SCLT1: variants seen among roughly 807,000 people sequenced by gnomAD.
SCLT1 encodes sodium channel-associated protein 1.
SCLT1 carries 78 observed loss-of-function variants against 112.8 expected under a neutral mutation model. That is an observed-to-expected ratio of 0.69 (90% CI 0.58 to 0.83). The LOEUF is 0.83. Among genes scored for constraint, SCLT1 ranks in the 40% least tolerant of loss-of-function variants. SCLT1 has a pLI of 0.00. For missense variants in SCLT1, 747 were observed against 770.4 expected (o/e 0.97, Z 0.36); for synonymous variants, 257 against 254.7 (o/e 1.01, Z -0.09).
chr4:128,916,979 T>A (rs1735528012), intron 18 of SCLT1, among the ~76,000 whole-genome samples: 1 of 152,068 alleles, frequency 6.6e-6, no homozygotes, highest in African/African-American at 2.4e-5. Flanking sequence ...CCGTAATCAC[T>A]CTAGGGCCAG....
chr4:128,881,813 T>G (rs557595626), downstream of SCLT1, among the ~76,000 whole-genome samples: 4 of 152,302 alleles, frequency 2.6e-5, no homozygotes, highest in African/African-American at 9.6e-5. Context: ...AACAAACTTT[T>G]CTGAAAAGAA....
chr4:128,956,987 CTT>C, intron 13 of SCLT1, 37 bp downstream of exon 13: 1 of 1,160,052 alleles, frequency 8.6e-7, no homozygotes, highest in Non-Finnish European at 1.2e-6. Context: ...TTAGTTGTGA[CTT>C]AAATTCTGAA....
intron 14 of SCLT1, among the ~76,000 whole-genome samples, chr4:128,949,426 C>T (rs538462398): frequency 2.6e-5 from 4 of 151,752 alleles, no homozygotes; most frequent in African/African-American, 9.7e-5. Flanking sequence ...ATGTGCACAA[C>T]GTGAAGGTTT....
chr4:128,885,254 G>C (rs928477183), intron 20 of SCLT1, among the ~76,000 whole-genome samples: 8 of 152,076 alleles, frequency 5.3e-5, no homozygotes, highest in African/African-American at 9.7e-5. Context: ...AGTAAAAAAA[G>C]ATCTAACAGT....
chr4:128,957,235 T>C, intron 12 of SCLT1, 111 bp from the exon 13 acceptor site: 1 of 572,686 alleles, frequency 1.7e-6, no homozygotes, highest in East Asian at 3.1e-5. Context: ...CTGGGACATC[T>C]CTACTTGAAT....
intron 9 of SCLT1, among the ~76,000 whole-genome samples, chr4:128,989,944 T>C (rs1297936206): frequency 2.1e-5 from 2 of 94,458 alleles, no homozygotes; most frequent in African/African-American, 5.7e-5. Flanking sequence ...AACAAGGAGA[T>C]AGAAGTGGCA....
chr4:129,042,791 G>T (rs62316963), intron 4 of SCLT1, among the ~76,000 whole-genome samples: 39,476 of 151,988 alleles, frequency 0.26, 6,300 homozygotes, highest in Non-Finnish European at 0.35. Context: ...TAGGACCACA[G>T]GTGCACACCA....
chr4:128,975,380 T>A (rs900269177), intron 9 of SCLT1, among the ~76,000 whole-genome samples: 8 of 152,096 alleles, frequency 5.3e-5, no homozygotes, highest in Admixed American at 5.2e-4. Context: ...CAAAATTTAA[T>A]CAAGTATAAC....
chr4:129,049,713 A>G (rs1445431461), intron 2 of SCLT1, among the ~76,000 whole-genome samples: 1 of 149,696 alleles, frequency 6.7e-6, no homozygotes, highest in Non-Finnish European at 1.5e-5. Context: ...TTTTATTTGC[A>G]GTTGGCAGTT....
intron 4 of SCLT1, chr4:128,875,126 A>AAAACT (rs1478881465): frequency 6.6e-6 from 1 of 152,602 alleles, no homozygotes; most frequent in African/African-American, 2.4e-5. Context: ...AAGTATTTAT[A>AAAACT]AAACTAGTTG....
At chr4:129,075,993 C>T (rs1431859105) in intron 2 of SCLT1, among the ~76,000 whole-genome samples, 2 of 152,228 alleles carry the variant, frequency 1.3e-5, no homozygotes, top group East Asian at 3.9e-4. Flanking sequence ...TCTGTCCCAG[C>T]TGGAATGTTA....
chr4:128,959,698 C>T lies in SCLT1; in HGVS notation c.949G>A (p.Ala317Thr), dbSNP rs369384123. Residue 317 changes from alanine (A) to threonine (T), a missense_variant, in exon 12 of 21, where the codon GCA becomes ACA. Transcript: ENST00000281142. ...HLEKQTRELQ[A>T]KCNELENERY... ...TCATTTTCTAATTCATTGCACTTTG[C>T]TTGTAGCTCTCTGGTCTGTTTTTCC... 1 of 1,613,500 alleles carries T rather than the reference C, an allele frequency of 6.2e-7. No homozygotes were observed. Among genetic ancestry groups the T allele is most frequent in the Non-Finnish European group, 8.5e-7 (1 of 1,179,620 alleles).
At chr4:128,885,179 A>T (rs554267402) in intron 20 of SCLT1, among the ~76,000 whole-genome samples, 1 of 152,332 alleles carries the variant, frequency 6.6e-6, no homozygotes, top group South Asian at 2.1e-4. Flanking sequence ...GTGATGATAG[A>T]TTATAACAAG....
At chr4:128,904,935 T>G (rs1281056067) in intron 18 of SCLT1, among the ~76,000 whole-genome samples, 2 of 152,166 alleles carry the variant, frequency 1.3e-5, no homozygotes, top group African/African-American at 2.4e-5. Flanking sequence ...TGGAGAACTT[T>G]GGGTCAGTGT....
At chr4:128,979,585 T>C (rs1020469111) in intron 9 of SCLT1, among the ~76,000 whole-genome samples, 1 of 152,194 alleles carries the variant, frequency 6.6e-6, no homozygotes. Flanking sequence ...TGTGGCATTT[T>C]GTTATAGCAG....
intron 15 of SCLT1, among the ~76,000 whole-genome samples, chr4:128,946,907 C>G (rs1428957925): frequency 6.6e-6 from 1 of 152,186 alleles, no homozygotes; most frequent in Non-Finnish European, 1.5e-5. Flanking sequence ...CTCCCTCTTA[C>G]AGCACAAGGT....
intron 20 of SCLT1, among the ~76,000 whole-genome samples, chr4:128,888,169 G>C (rs2125921135): frequency 6.6e-6 from 1 of 151,224 alleles, no homozygotes; most frequent in Middle Eastern, 3.5e-3. Flanking sequence ...ATAGTGGCCT[G>C]TGGCTAGAGG....
intron 18 of SCLT1, among the ~76,000 whole-genome samples, chr4:128,897,547 G>A (rs1411421744): frequency 5.4e-5 from 8 of 149,044 alleles, no homozygotes; most frequent in Middle Eastern, 3.4e-3. Context: ...AGGAACAACC[G>A]GTACCAGCCG....
intron 12 of SCLT1, among the ~76,000 whole-genome samples, chr4:128,958,677 G>C (rs184247481): frequency 6.6e-6 from 1 of 151,988 alleles, no homozygotes; most frequent in Admixed American, 6.6e-5. Context: ...TTAGGTATTC[G>C]ACACAATTCC....
Sources: gnomAD v4.1 joint callset for allele counts (sites outside exome capture counted in the v4.1 genomes callset) on GRCh38, gnomAD v4.1.1 for gene constraint, MANE v1.5 for transcripts, NCBI Gene and HGNC (gene_info 2026-07-23, HGNC 2026-07-21) for gene names.